Variants in TENM3 observed in about 807,000 individuals in gnomAD.
The protein encoded by TENM3 is teneurin-3.
Under a neutral mutation model 255.1 loss-of-function variants are expected in TENM3, and 63 were observed. That is an observed-to-expected ratio of 0.25 (90% confidence interval 0.20 to 0.30). The LOEUF (loss-of-function observed/expected upper bound fraction) is 0.30, where lower values mean the gene tolerates loss of function less well. Ranked by LOEUF, TENM3 falls within the 10% of genes least tolerant of loss-of-function variation. TENM3 has a pLI of 1.00. For missense variants in TENM3, 2,929 were observed against 3,461.1 expected, an observed-to-expected ratio of 0.85 and a Z score of 3.86; for synonymous variants, 1,306 against 1,322.3, an observed-to-expected ratio of 0.99 and a Z score of 0.27.
chr4:181,452,194 T>A, the TENM3 span, among the ~76,000 whole-genome samples: 1 of 152,234 alleles, frequency 6.6e-6, no homozygotes, highest in Non-Finnish European at 1.5e-5. Flanking sequence ...ATGGTTGTTC[T>A]ATGGATGATA....
chr4:182,653,355 A>T (rs1753491455), intron 5 of TENM3, among the ~76,000 whole-genome samples: 2 of 152,234 alleles, frequency 1.3e-5, no homozygotes, highest in African/African-American at 4.8e-5. Context: ...GTAGAGGATC[A>T]TGTCTCTTAA....
At chr4:182,470,811 C>T (rs1277582342) in intron 3 of TENM3, among the ~76,000 whole-genome samples, 2 of 152,068 alleles carry the variant, frequency 1.3e-5, no homozygotes, top group African/African-American at 4.8e-5. Context: ...AGCCTCAAAC[C>T]AAAACTCTCC....
chr4:182,639,946 C>G (rs779890958), intron 5 of TENM3, among the ~76,000 whole-genome samples: 1 of 152,018 alleles, frequency 6.6e-6, no homozygotes, highest in African/African-American at 2.4e-5. Flanking sequence ...AAAAATTAGC[C>G]GGGCGTGGTG....
rs1422239528 is a variant in TENM3, at chr4:182,583,487, C to A, written c.512-17437C>A. ...CCCCTAATATTACAGATGAAAGGAACCAAGACTAGAAGAGTAAAATATGTT... is the reference window on the plus strand; with the variant it reads ...CCCCTAATATTACAGATGAAAGGAAACAAGACTAGAAGAGTAAAATATGTT... On this transcript the variant is annotated intron_variant, in intron 3 of 27. Transcript: ENST00000511685. Among the ~76,000 whole-genome samples, 6 of 151,896 alleles carry A rather than the reference C, an allele frequency of 4.0e-5. No homozygotes were observed. In the South Asian group the frequency reaches 1.0e-3, roughly 26 times the overall value.
At chr4:182,001,000 T>TA in the TENM3 span, among the ~76,000 whole-genome samples, 6 of 68,446 alleles carry the variant, frequency 8.8e-5, no homozygotes, top group Admixed American at 2.8e-4. Context: ...CAGTTTTCTT[T>TA]CCTTTTTTTT....
chr4:181,479,128 ATGAT>A, the TENM3 span, among the ~76,000 whole-genome samples: 3 of 152,232 alleles, frequency 2.0e-5, no homozygotes, highest in Admixed American at 2.0e-4. Context: ...CAAATTTTAA[ATGAT>A]TGAGGAAAAT....
the TENM3 span, among the ~76,000 whole-genome samples, chr4:181,932,520 G>T: frequency 2.0e-5 from 3 of 152,214 alleles, no homozygotes; most frequent in East Asian, 1.9e-4. Context: ...AACAACAGAT[G>T]CTAGAGAGGA....
At chr4:182,779,907 T>C (rs1209921780) in intron 24 of TENM3, among the ~76,000 whole-genome samples, 2 of 152,034 alleles carry the variant, frequency 1.3e-5, no homozygotes, top group Admixed American at 6.6e-5. Context: ...GATGGGGTTG[T>C]TTTTTTCTTG....
At chr4:182,445,109 A>G (rs1383024103) in intron 3 of TENM3, among the ~76,000 whole-genome samples, 1 of 152,158 alleles carries the variant, frequency 6.6e-6, no homozygotes, top group East Asian at 1.9e-4. Flanking sequence ...GTGCCTGGCC[A>G]ATAACCAGCT....
At chr4:182,032,992 AG>A in the TENM3 span, among the ~76,000 whole-genome samples, 4 of 144,938 alleles carry the variant, frequency 2.8e-5, no homozygotes, top group Non-Finnish European at 4.6e-5. Flanking sequence ...TCAAAAAAAA[AG>A]TCCAGGATTT....
At chr4:181,687,975 G>T in the TENM3 span, among the ~76,000 whole-genome samples, 1 of 152,276 alleles carries the variant, frequency 6.6e-6, no homozygotes, top group South Asian at 2.1e-4. Flanking sequence ...CATTTACTGA[G>T]TGTAAGTGGT....
At chr4:182,215,976 C>A (rs1755436753) in intron 1 of TENM3, among the ~76,000 whole-genome samples, 1 of 152,196 alleles carries the variant, frequency 6.6e-6, no homozygotes, top group Non-Finnish European at 1.5e-5. Flanking sequence ...GAAAACGACA[C>A]TACCCCCTCT....
At chr4:182,625,852 C>T in intron 4 of TENM3, among the ~76,000 whole-genome samples, 1 of 152,170 alleles carries the variant, frequency 6.6e-6, no homozygotes, top group East Asian at 1.9e-4. Context: ...GCTCACTCTT[C>T]ATGTATAATC....
At chr4:181,727,938 A>C in the TENM3 span, among the ~76,000 whole-genome samples, 2 of 152,236 alleles carry the variant, frequency 1.3e-5, no homozygotes, top group Non-Finnish European at 2.9e-5. Context: ...CACATGATTC[A>C]ATCTTATAAA....
At chr4:182,175,312 A>ATAT (rs1228001808) in intron 1 of TENM3, among the ~76,000 whole-genome samples, 95 of 79,292 alleles carry the variant, frequency 1.2e-3, no homozygotes, top group Middle Eastern at 6.4e-3. Context: ...TAAAAAAAAA[A>ATAT]AAATATATAT....
At chr4:182,081,078 T>C in the TENM3 span, among the ~76,000 whole-genome samples, 1 of 152,170 alleles carries the variant, frequency 6.6e-6, no homozygotes, top group Non-Finnish European at 1.5e-5. Flanking sequence ...AGCTGTCCCA[T>C]TTGTAAAACA....
At chr4:182,405,636 A>T (rs531930903) in intron 3 of TENM3, among the ~76,000 whole-genome samples, 39 of 152,352 alleles carry the variant, frequency 2.6e-4, no homozygotes, top group African/African-American at 9.1e-4. Context: ...GGGATATCAC[A>T]GTGAGTAGAA....
chr4:181,654,768 A>G, the TENM3 span, among the ~76,000 whole-genome samples: 1 of 151,522 alleles, frequency 6.6e-6, no homozygotes, highest in African/African-American at 2.4e-5. Context: ...AAAAAAAAAA[A>G]AAAAAAGAAG....
chr4:181,705,793 G>C, the TENM3 span, among the ~76,000 whole-genome samples: 1 of 151,932 alleles, frequency 6.6e-6, no homozygotes. Flanking sequence ...CATTTTACCT[G>C]ATCTCCCCTC....
Sources: allele counts gnomAD v4.1 joint callset (sites outside exome capture counted in the v4.1 genomes callset), GRCh38; gene constraint gnomAD v4.1.1; transcripts MANE v1.5; gene names NCBI Gene and HGNC (gene_info 2026-07-23, HGNC 2026-07-21).